Variants in MYOF observed in about 807,000 individuals in gnomAD.
MYOF encodes the protein fer-1-like 3, myoferlin.
In MYOF, 244 loss-of-function variants were observed where a neutral mutation model predicts 284.2. The observed-to-expected ratio is 0.86, with a 90% CI of 0.77 to 0.95. The LOEUF is 0.95. Among genes scored for constraint, MYOF ranks in the 40% least tolerant of loss-of-function variants. The probability of loss-of-function intolerance (pLI) is 0.00; values close to 1 mark genes in which losing one functional copy is unlikely to be tolerated. For synonymous variants in MYOF, 904 were observed against 919.7 expected (o/e 0.98, Z 0.31); for missense variants, 2,496 against 2,560.6 (o/e 0.97, Z 0.54).
chr10:93,445,000 G>A (rs1312311961), intron 3 of MYOF, among the ~76,000 whole-genome samples: 1 of 152,152 alleles, frequency 6.6e-6, no homozygotes, highest in East Asian at 1.9e-4. Flanking sequence ...AGGCATAAGT[G>A]ACTTCCTACT....
chr10:93,398,763 C>T (rs1050812211), intron 13 of MYOF, among the ~76,000 whole-genome samples: 1 of 152,160 alleles, frequency 6.6e-6, no homozygotes, highest in Admixed American at 6.5e-5. Context: ...TTATATGGTT[C>T]GAACACATAA....
At chr10:93,384,934 G>A (rs149440153) in intron 19 of MYOF, among the ~76,000 whole-genome samples, 119 of 152,306 alleles carry the variant, frequency 7.8e-4, no homozygotes, top group African/African-American at 2.7e-3. Context: ...GCCACCTTCG[G>A]TATGTCTACT....
intron 5 of MYOF, among the ~76,000 whole-genome samples, chr10:93,424,047 A>C (rs1250739178): frequency 6.6e-6 from 1 of 152,120 alleles, no homozygotes; most frequent in Non-Finnish European, 1.5e-5. Context: ...AGCTGGGAGA[A>C]AGGCTGAGAG....
At chr10:93,431,028 T>C (rs1848831700) in intron 4 of MYOF, among the ~76,000 whole-genome samples, 1 of 148,490 alleles carries the variant, frequency 6.7e-6, no homozygotes, top group Non-Finnish European at 1.5e-5. Flanking sequence ...TCTTTTCTTT[T>C]TTTTTTTTTT....
At chr10:93,406,120 G>A (rs79690266) in intron 7 of MYOF, among the ~76,000 whole-genome samples, 14,957 of 150,128 alleles carry the variant, frequency 0.1, 1,497 homozygotes, top group East Asian at 0.62. Context: ...ACCACACCCG[G>A]CTAATTGTTT....
At chr10:93,376,148 G>A (rs1022397061) in intron 22 of MYOF, among the ~76,000 whole-genome samples, 32 of 152,140 alleles carry the variant, frequency 2.1e-4, no homozygotes, top group African/African-American at 7.5e-4. Flanking sequence ...AGATGACTGT[G>A]GTTTGCTCTG....
At chr10:93,420,494 ATCT>A (rs1217366035) in intron 5 of MYOF, among the ~76,000 whole-genome samples, 1 of 152,176 alleles carries the variant, frequency 6.6e-6, no homozygotes, top group Non-Finnish European at 1.5e-5. Flanking sequence ...ACCTTTTGTC[ATCT>A]TCATATAAAA....
chr10:93,330,612 A>G (rs1843254047), intron 43 of MYOF, among the ~76,000 whole-genome samples: 1 of 152,188 alleles, frequency 6.6e-6, no homozygotes, highest in Non-Finnish European at 1.5e-5. Context: ...TCCTGAGATG[A>G]AGAGAAAGAG....
At chr10:93,383,788 G>C (rs1043047050) in intron 19 of MYOF, among the ~76,000 whole-genome samples, 6 of 152,168 alleles carry the variant, frequency 3.9e-5, no homozygotes, top group Non-Finnish European at 8.8e-5. Context: ...CGGTATTTAA[G>C]CCAGAGCCAT....
chr10:93,448,612 T>C (rs1436840603), intron 3 of MYOF, among the ~76,000 whole-genome samples: 2 of 152,180 alleles, frequency 1.3e-5, no homozygotes. Flanking sequence ...TCAACCAGGC[T>C]GGTGGCTGTG....
chr10:93,309,316 C>G (rs1056551863), intron 53 of MYOF, among the ~76,000 whole-genome samples: 13 of 152,202 alleles, frequency 8.5e-5, no homozygotes, highest in African/African-American at 3.1e-4. Flanking sequence ...ATCACTATAA[C>G]TTAATTCCTA....
chr10:93,482,285 CTCTCCCAGTGAAGGGAGGATT>C lies in MYOF; in HGVS notation c.-112_-92del. 9.2e-7 allele frequency: 1 copy of C among 1,092,462 alleles called. No homozygotes were observed. The highest frequency in any genetic ancestry group is 1.4e-6 in the Non-Finnish European group (1 of 732,852). 67.7% of individuals were successfully genotyped at this position (1,092,462 alleles called of 1,614,324 possible). ...GTCGCACCGCCCTGGGAGAGAAGTT[CTCTCCCAGTGAAGGGAGGATT>C]TCTCCCAGGGCAAGGAAGGGGAAAA... On this transcript the variant is annotated 5_prime_UTR_variant, in exon 1 of 54. Transcript: ENST00000359263.
chr10:93,378,616 A>G (rs1845951722), intron 21 of MYOF, among the ~76,000 whole-genome samples: 2 of 148,882 alleles, frequency 1.3e-5, no homozygotes, highest in South Asian at 4.4e-4. Flanking sequence ...CAAAACACCA[A>G]TGCCAGATGG....
At chr10:93,367,140 C>T (rs1845363326) in intron 25 of MYOF, among the ~76,000 whole-genome samples, 1 of 152,142 alleles carries the variant, frequency 6.6e-6, no homozygotes, top group South Asian at 2.1e-4. Flanking sequence ...GCCTTAATTC[C>T]ATCTGGAATG....
chr10:93,329,009 T>A, intron 44 of MYOF, 98 bp from the exon 45 acceptor site: 1 of 1,272,604 alleles, frequency 7.9e-7, no homozygotes, highest in Non-Finnish European at 1.1e-6. Flanking sequence ...TGCTCCCATA[T>A]AGTGGGTGCA....
intron 1 of MYOF, among the ~76,000 whole-genome samples, chr10:93,471,368 AG>A: frequency 6.7e-6 from 1 of 150,120 alleles, no homozygotes; most frequent in Non-Finnish European, 1.5e-5. Flanking sequence ...TTCCTTTTTC[AG>A]ACTGGATCCT....
In MYOF at chr10:93,319,957, A is replaced by C; in HGVS notation, c.5513T>G (p.Leu1838Trp). 6.2e-7 allele frequency: 1 copy of C among 1,614,192 alleles called. No individual in the cohort carries two copies. The highest frequency in any genetic ancestry group is 8.5e-7 in the Non-Finnish European group (1 of 1,180,016). Residue 1838 changes from leucine (L) to tryptophan (W), a missense_variant, in exon 49 of 54, where the codon TTG (leucine) becomes TGG (tryptophan). Leu to Trp is a moderately conservative substitution (Grantham distance 61). Coordinates refer to ENST00000359263, the MANE Select transcript of MYOF (RefSeq NM_013451.4). ...CCAGTTAAAATTCCCTTCACCATCC[A>C]AAGATCTGTAATGGACATCTGTTTT... ...KQKTDVHYRS[L>W]DGEGNFNWRF...
rs146093674 is a variant in MYOF, at chr10:93,425,615, C to G, written c.433+456G>C. On this transcript the variant is annotated intron_variant, in intron 5 of 53. Coordinates refer to ENST00000359263, the MANE Select transcript of MYOF (RefSeq NM_013451.4). ...AAGATGGGGCCGGGGTTAGGGGAGA[C>G]AGTGAAGGAGGTTCCAGTCGAAAGC... is the stretch of plus-strand genomic sequence containing the variant. 7.9e-4 allele frequency: 130 copies of G among 164,704 alleles called. 1 individual carries two copies. The highest frequency in any genetic ancestry group is 2.8e-3 in the African/African-American group (119 of 41,844). The allele number at this position is 164,704 out of a possible 1,614,324, so 10.2% of individuals were successfully genotyped here.
chr10:93,429,204 CT>C (rs1848728618), intron 4 of MYOF, among the ~76,000 whole-genome samples: 1 of 152,164 alleles, frequency 6.6e-6, no homozygotes, highest in African/African-American at 2.4e-5. Flanking sequence ...CCCCTTCCCC[CT>C]CTTCTCTCTT....
Sources: gnomAD v4.1 joint callset for allele counts (sites outside exome capture counted in the v4.1 genomes callset) on GRCh38, gnomAD v4.1.1 for gene constraint, MANE v1.5 for transcripts, NCBI Gene and HGNC (gene_info 2026-07-23, HGNC 2026-07-21) for gene names.